The following LMTK2 variants were observed in gnomAD, a reference collection of about 807,000 sequenced individuals.
The protein encoded by LMTK2 is lemur tail kinase 2, also known as serine/threonine-protein kinase LMTK2.
Under a neutral mutation model 127.5 loss-of-function variants are expected in LMTK2, and 37 were observed. The ratio of observed to expected loss-of-function variants is 0.29; its 90% CI spans 0.22 to 0.38. The LOEUF (loss-of-function observed/expected upper bound fraction) is 0.38, where lower values mean the gene tolerates loss of function less well. Ranked by LOEUF, LMTK2 falls within the 10% of genes least tolerant of loss-of-function variation. LMTK2 has a pLI of 1.00. For synonymous variants in LMTK2, 819 were observed against 810.1 expected (o/e 1.01, Z -0.19); for missense variants, 1,694 against 1,920.3 (o/e 0.88, Z 2.20).
At chr7:98,121,722 C>A (rs557580933) in intron 1 of LMTK2, among the ~76,000 whole-genome samples, 1 of 151,936 alleles carries the variant, frequency 6.6e-6, no homozygotes, top group Admixed American at 6.6e-5. Context: ...AAATTTGTGC[C>A]GGGCATGGTG....
rs1305650417 is a variant in LMTK2 at position 98,192,202 on chromosome 7, A to G, written c.1737A>G (p.Pro579=). The change falls in exon 11 of 14, where the codon CCA becomes CCG. Residue 579 remains proline, a synonymous_variant. Transcript: ENST00000297293. ...TGCTCACAACCGACATGGATAATCC[A>G]GAAAGGACTGGCCCTGAACTGTCCC... ...PALLTTDMDN[P]ERTGPELSQL... 1 of 1,524,290 alleles carries G rather than the reference A, an allele frequency of 6.6e-7. No individual in the cohort carries two copies. The highest frequency in any genetic ancestry group is 8.8e-7 in the Non-Finnish European group (1 of 1,139,594). The allele number at this position is 1,524,290 out of a possible 1,614,324, so 94.4% of individuals were successfully genotyped here. A position where few individuals can be genotyped will look rare whatever the true frequency, so the allele number is the denominator to read the frequency against.
At chr7:98,129,520 G>A (rs1014068241) in intron 1 of LMTK2, among the ~76,000 whole-genome samples, 11 of 151,886 alleles carry the variant, frequency 7.2e-5, no homozygotes, top group African/African-American at 2.4e-4. Context: ...GTGTGTCACC[G>A]TACCTGGCTG....
rs777158817 is a variant in LMTK2, at chr7:98,204,120, A to G, written c.4417A>G (p.Ile1473Val). Residue 1473 changes from isoleucine to valine, a missense_variant, in exon 13 of 14, where the codon ATC (isoleucine) becomes GTC (valine). Coordinates refer to ENST00000297293, the MANE Select transcript of LMTK2 (RefSeq NM_014916.4). ...CTCGGCGCCTTACTCCCGGTTCTCC[A>G]TCTCTCCCGCCAACATTGCCAGCTT... ...PHSAPYSRFSISPANIASFSL... is the reference protein window; with the variant it reads ...PHSAPYSRFSVSPANIASFSL... 23 of 1,612,252 alleles carry G rather than the reference A, an allele frequency of 1.4e-5. No individual in the cohort carries two copies. Among genetic ancestry groups the G allele is most frequent in the South Asian group, 4.4e-5 (4 of 91,086 alleles).
chr7:98,203,286 T>C (rs1172595695), intron 11 of LMTK2, among the ~76,000 whole-genome samples: 1 of 152,216 alleles, frequency 6.6e-6, no homozygotes, highest in East Asian at 1.9e-4. Context: ...CACTTGTTGC[T>C]GGTGGGTGGC....
chr7:98,162,430 A>C (rs540145248), intron 6 of LMTK2, among the ~76,000 whole-genome samples: 1 of 152,370 alleles, frequency 6.6e-6, no homozygotes, highest in African/African-American at 2.4e-5. Context: ...CCAAATACTT[A>C]GACTAAGTAT....
chr7:98,168,145 G>A (rs556685617), intron 6 of LMTK2, among the ~76,000 whole-genome samples: 28 of 152,128 alleles, frequency 1.8e-4, no homozygotes, highest in Non-Finnish European at 3.7e-4. Flanking sequence ...GTTTAACTAC[G>A]GAAAGGAGAA....
rs755548664 is a variant in LMTK2, at chr7:98,192,386, A to G, written c.1921A>G (p.Lys641Glu). ...PFNNIFNDVD[K>E]SEDLPSHQKI... is the part of the protein sequence containing the mutation. ...CAACAATATATTTAATGATGTGGAC[A>G]AATCGGAAGATTTGCCCAGTCACCA... is the stretch of plus-strand genomic sequence containing the variant. The change falls in exon 11 of 14, where the codon AAA becomes GAA. Residue 641 changes from lysine (K) to glutamate (E), a missense_variant. By Grantham distance (56) the Lys-to-Glu change is moderately conservative (BLOSUM62 1). Coordinates refer to ENST00000297293, the MANE Select transcript of LMTK2 (RefSeq NM_014916.4). 4 of 1,607,926 alleles carry G rather than the reference A, an allele frequency of 2.5e-6. No individual in the cohort carries two copies. The East Asian group carries it at 6.7e-5, about 27-fold the overall frequency.
At chr7:98,149,317 A>C (rs1049884991) in intron 3 of LMTK2, among the ~76,000 whole-genome samples, 7 of 152,108 alleles carry the variant, frequency 4.6e-5, no homozygotes, top group African/African-American at 1.2e-4. Flanking sequence ...AGCTACAAAG[A>C]TATTCTACCC....
intron 2 of LMTK2, among the ~76,000 whole-genome samples, chr7:98,138,181 G>T (rs1175579810): frequency 6.6e-6 from 1 of 152,152 alleles, no homozygotes; most frequent in African/African-American, 2.4e-5. Flanking sequence ...GGGGGGAGAA[G>T]GAAGGAATGT....
At chr7:98,186,821 G>T in intron 8 of LMTK2, 56 bp from the exon 9 acceptor site, 1 of 1,502,472 alleles carries the variant, frequency 6.7e-7, no homozygotes, top group South Asian at 1.2e-5. Flanking sequence ...TTAAATTCTT[G>T]AACTCACCAA....
At chr7:98,137,518 C>G in intron 2 of LMTK2, 76 bp downstream of exon 2, 1 of 1,406,578 alleles carries the variant, frequency 7.1e-7, no homozygotes, top group Non-Finnish European at 9.6e-7. Context: ...TAGCACAGTC[C>G]TTTGGGAACA....
chr7:98,120,025 A>C (rs1458999096), intron 1 of LMTK2, among the ~76,000 whole-genome samples: 1 of 151,920 alleles, frequency 6.6e-6, no homozygotes, highest in African/African-American at 2.4e-5. Context: ...TCTGTACAAA[A>C]TTTTCTTATG....
At chr7:98,121,166 G>A (rs192144415) in intron 1 of LMTK2, among the ~76,000 whole-genome samples, 46 of 152,264 alleles carry the variant, frequency 3.0e-4, no homozygotes, top group East Asian at 2.7e-3. Flanking sequence ...ACCGCATTGT[G>A]CTTTAAAGAA....
rs548998513 is a variant in LMTK2, at chr7:98,185,043, G to A, written c.792-8G>A. The A allele has an allele frequency of 1.9e-6, 3 of 1,603,200 alleles. No homozygotes were observed. The African/African-American group carries it at 4.0e-5, about 21-fold the overall frequency. On this transcript the variant is annotated splice_polypyrimidine_tract_variant and splice_region_variant and intron_variant, in intron 7 of 13. Transcript: ENST00000297293. ...CTTCTTGCCATGTTCACTTCCCTCT[G>A]TTTTCAGTGATTTAGCCCTGCGGAA...
rs559049247 is a variant in LMTK2, at chr7:98,172,197, C to T, written c.791+523C>T. Among the ~76,000 whole-genome samples the T allele has an allele frequency of 2.0e-5, 3 of 152,348 alleles. No homozygotes were observed. The East Asian group carries it at 5.8e-4, about 29-fold the overall frequency. ...TCATGGGATCCGATCTGATGAGGCC[C>T]CCCGCTCCCGGGTGGGTAGTCAGGG... On this transcript the variant is annotated intron_variant, in intron 7 of 13. Coordinates refer to ENST00000297293, the MANE Select transcript of LMTK2 (RefSeq NM_014916.4).
intron 3 of LMTK2, among the ~76,000 whole-genome samples, chr7:98,150,888 G>A (rs1796843113): frequency 1.3e-5 from 2 of 152,270 alleles, no homozygotes; most frequent in African/African-American, 4.8e-5. Flanking sequence ...GAAGACTTGG[G>A]GGTAATGGAG....
In LMTK2 at chr7:98,193,761, C is replaced by T. The variant is rs868748645; in HGVS notation, c.3296C>T (p.Ser1099Leu). The T allele has an allele frequency of 6.2e-7, 1 of 1,613,884 alleles. No homozygotes were observed. The highest frequency in any genetic ancestry group is 8.5e-7 in the Non-Finnish European group (1 of 1,180,012). The change falls in exon 11 of 14, where the codon TCA becomes TTA. Residue 1099 changes from serine to leucine, a missense_variant. By Grantham distance (145) the Ser-to-Leu change is moderately radical. This residue lies in a region of LMTK2 where 554 missense variants were observed against 567.7 expected (regional missense o/e 0.98). Coordinates refer to ENST00000297293, the MANE Select transcript of LMTK2 (RefSeq NM_014916.4). The surrounding 1 kb of genome is among the most constrained non-coding windows in gnomAD (Gnocchi z 4.1). ...ACGTTCACAGCTGGCTCCCAGGGTT[C>T]ATACCGAGACTCTGCGTACTTCTCA... ...PETFTAGSQG[S>L]YRDSAYFSDN...
At chr7:98,131,130 A>G (rs182041452) in intron 1 of LMTK2, among the ~76,000 whole-genome samples, 1 of 152,304 alleles carries the variant, frequency 6.6e-6, no homozygotes, top group Non-Finnish European at 1.5e-5. Flanking sequence ...AATTCCAGAC[A>G]TCATTAAGTA....
chr7:98,163,969 G>A (rs1029530090), intron 6 of LMTK2, among the ~76,000 whole-genome samples: 3 of 152,332 alleles, frequency 2.0e-5, no homozygotes, highest in Admixed American at 2.0e-4. Context: ...CTTTTCAGTC[G>A]TCATCCTGCA....
Sources: gnomAD v4.1 joint callset for allele counts (sites outside exome capture counted in the v4.1 genomes callset) on GRCh38, gnomAD v4.1.1 for gene constraint, gnomAD v4.1.1 regional missense constraint, Gnocchi (gnomAD v3.1) non-coding constraint, MANE v1.5 for transcripts, NCBI Gene and HGNC (gene_info 2026-07-23, HGNC 2026-07-21) for gene names.